ABCG2: variants seen among roughly 807,000 people sequenced by gnomAD.
The protein encoded by ABCG2 is broad substrate specificity ATP-binding cassette transporter ABCG2.
Under a neutral mutation model 73.5 loss-of-function variants are expected in ABCG2, and 80 were observed. The ratio of observed to expected loss-of-function variants is 1.09; its 90% CI spans 0.91 to 1.31. ABCG2 has a LOEUF of 1.31. Among genes scored for constraint, ABCG2 ranks in the 50% most tolerant of loss-of-function variants. The pLI is 0.00. For missense variants in ABCG2, 796 were observed against 786.2 expected, an observed-to-expected ratio of 1.01 and a Z score of -0.15; for synonymous variants, 269 against 282.4, an observed-to-expected ratio of 0.95 and a Z score of 0.48.
At chr4:88,114,665 A>G (rs1226003135) in intron 8 of ABCG2, among the ~76,000 whole-genome samples, 2 of 151,896 alleles carry the variant, frequency 1.3e-5, no homozygotes, top group Non-Finnish European at 2.9e-5. Context: ...GCTTCCTACT[A>G]TATGCAAATG....
chr4:88,103,867 T>C (rs572769839), intron 10 of ABCG2, among the ~76,000 whole-genome samples: 3 of 152,342 alleles, frequency 2.0e-5, no homozygotes, highest in Admixed American at 2.0e-4. Flanking sequence ...CATAATATTC[T>C]CCAATTACAT....
At chr4:88,138,216 A>C (rs897551339) in intron 2 of ABCG2, among the ~76,000 whole-genome samples, 16 of 152,216 alleles carry the variant, frequency 1.1e-4, no homozygotes, top group African/African-American at 3.4e-4. Flanking sequence ...CAAGAGTATA[A>C]TGAATTTCTC....
intron 1 of ABCG2, among the ~76,000 whole-genome samples, chr4:88,215,262 T>A (rs576018956): frequency 9.2e-5 from 14 of 152,260 alleles, no homozygotes; most frequent in African/African-American, 2.6e-4. Context: ...GAATATAGCA[T>A]GTTGGCTGGA....
At chr4:88,102,554 C>T (rs1722500029) in intron 10 of ABCG2, among the ~76,000 whole-genome samples, 1 of 150,936 alleles carries the variant, frequency 6.6e-6, no homozygotes, top group African/African-American at 2.4e-5. Flanking sequence ...TGAGATCGCG[C>T]CACTGCACTC....
At chr4:88,219,731 A>G (rs1356223486) in intron 1 of ABCG2, among the ~76,000 whole-genome samples, 1 of 149,658 alleles carries the variant, frequency 6.7e-6, no homozygotes, top group African/African-American at 2.5e-5. Flanking sequence ...ACAGGCGCAC[A>G]GTGCCACGCC....
intron 2 of ABCG2, among the ~76,000 whole-genome samples, chr4:88,138,630 G>C (rs1725405927): frequency 6.6e-6 from 1 of 152,180 alleles, no homozygotes; most frequent in Admixed American, 6.5e-5. Flanking sequence ...GGAGCCAGCA[G>C]ATAGGAGAAA....
intron 1 of ABCG2, 57 bp from the exon 2 acceptor site, chr4:88,140,071 C>T: frequency 7.1e-7 from 1 of 1,407,644 alleles, no homozygotes; most frequent in Non-Finnish European, 9.8e-7. Context: ...ATTGCAAACA[C>T]TAGGTGACAA....
chr4:88,109,294 G>A (rs890944921), intron 9 of ABCG2, among the ~76,000 whole-genome samples: 2 of 152,032 alleles, frequency 1.3e-5, no homozygotes, highest in African/African-American at 2.4e-5. Context: ...CACCATGCCC[G>A]GCCCAGACTT....
At chr4:88,218,520 T>A (rs1729894173) in intron 1 of ABCG2, among the ~76,000 whole-genome samples, 1 of 152,144 alleles carries the variant, frequency 6.6e-6, no homozygotes, top group Admixed American at 6.5e-5. Context: ...TTGGTGGTGA[T>A]TTGTGAAGTT....
chr4:88,229,848 T>G (rs1375591914), intron 1 of ABCG2, among the ~76,000 whole-genome samples: 4 of 152,178 alleles, frequency 2.6e-5, no homozygotes, highest in Non-Finnish European at 5.9e-5. Context: ...CTACCAGGCC[T>G]GTTACAGGAG....
chr4:88,180,302 T>A (rs1222852615), intron 1 of ABCG2, among the ~76,000 whole-genome samples: 2 of 152,026 alleles, frequency 1.3e-5, no homozygotes, highest in African/African-American at 2.4e-5. Context: ...AAAACTTGGA[T>A]CCTAGGATGG....
intron 1 of ABCG2, among the ~76,000 whole-genome samples, chr4:88,173,522 T>A (rs1340480042): frequency 6.6e-6 from 1 of 152,192 alleles, no homozygotes; most frequent in Non-Finnish European, 1.5e-5. Flanking sequence ...GAATGCCTAA[T>A]TTTATTCGTA....
rs1342181369 is a variant in ABCG2, at chr4:88,090,752, C to T, written c.*1482G>A. 1 of 152,120 alleles carries T rather than the reference C, an allele frequency of 6.6e-6. No homozygotes were observed. The highest frequency in any genetic ancestry group is 1.5e-5 in the Non-Finnish European group (1 of 68,018). The allele number at this position is 152,120 out of a possible 1,614,324, so 9.4% of individuals were successfully genotyped here. On this transcript the variant is annotated 3_prime_UTR_variant, in exon 16 of 16. Coordinates refer to ENST00000237612, the MANE Select transcript of ABCG2 (RefSeq NM_004827.3). ...TGAAATGTGGTCTCCTGAATTGAAT[C>T]CTAGAACAATGAAAGAATATTAGTG...
chr4:88,151,364 T>C (rs993235907), intron 1 of ABCG2, among the ~76,000 whole-genome samples: 1 of 152,122 alleles, frequency 6.6e-6, no homozygotes, highest in Non-Finnish European at 1.5e-5. Context: ...TCTCCGTGAG[T>C]CTAGTACATG....
rs745374450 is a variant in ABCG2, at chr4:88,113,420, C to A, written c.1077G>T (p.Lys359Asn). 4 of 1,614,064 alleles carry A rather than the reference C, an allele frequency of 2.5e-6. No individual in the cohort carries two copies. Among genetic ancestry groups the A allele is most frequent in the Non-Finnish European group, 3.4e-6 (4 of 1,180,038 alleles). Residue 359 changes from lysine (K) to asparagine (N), a missense_variant, in exon 9 of 16, where the codon AAG becomes AAT. Coordinates refer to ENST00000237612, the MANE Select transcript of ABCG2 (RefSeq NM_004827.3). The part of the protein sequence containing the change: ...LHQLSGGEKK[K>N]KITVFKEISY... Reference sequence around the variant, plus strand: ...TGATCTCCTTGAAGACTGTGATCTTCTTCTTCTTCTCACCCCCGGAAAGTT... The same window carrying A: ...TGATCTCCTTGAAGACTGTGATCTTATTCTTCTTCTCACCCCCGGAAAGTT...
intron 2 of ABCG2, among the ~76,000 whole-genome samples, chr4:88,134,001 A>T (rs981426938): frequency 6.6e-6 from 1 of 151,598 alleles, no homozygotes; most frequent in Non-Finnish European, 1.5e-5. Flanking sequence ...CCGTCTCAGA[A>T]AAAAAAAAAG....
chr4:88,163,782 C>A, upstream of ABCG2: 2 of 376,388 alleles, frequency 5.3e-6, no homozygotes, highest in South Asian at 4.5e-5. Context: ...ATACCAGGTT[C>A]AACAAAGCTG....
chr4:88,224,530 T>G (rs890434050), intron 1 of ABCG2, among the ~76,000 whole-genome samples: 1 of 152,076 alleles, frequency 6.6e-6, no homozygotes, highest in African/African-American at 2.4e-5. Flanking sequence ...CTCTCTCTGT[T>G]GCCCAGGCTG....
rs1176057791 is a variant in ABCG2 at position 88,202,376 on chromosome 4, A to ATATATATATATATATATATATATG, written c.-20+28617_-20+28618insCATATATATATATATATATATATA. ...TATTTATATATATATATATATATAT[A>ATATATATATATATATATATATATG]TGTATATTTTAATTAGCTGGGCATG... On this transcript the variant is annotated intron_variant, in intron 1 of 15. Coordinates refer to the ABCG2 transcript ENST00000515655. Among the ~76,000 whole-genome samples, 131 of 128,528 alleles carry ATATATATATATATATATATATATG rather than the reference A, an allele frequency of 1.0e-3. 2 individuals are homozygous for ATATATATATATATATATATATATG. Among genetic ancestry groups the ATATATATATATATATATATATATG allele is most frequent in the Admixed American group, 1.6e-3 (20 of 12,488 alleles). 84.3% of individuals were successfully genotyped at this position (128,528 alleles called of 152,430 possible). A position where few individuals can be genotyped will look rare whatever the true frequency, so the allele number is the denominator to read the frequency against.
Sources: allele counts gnomAD v4.1 joint callset (sites outside exome capture counted in the v4.1 genomes callset), GRCh38; gene constraint gnomAD v4.1.1; transcripts MANE v1.5; gene names NCBI Gene and HGNC (gene_info 2026-07-23, HGNC 2026-07-21).